Variants in MAML2 observed in about 807,000 individuals in gnomAD.
The protein encoded by MAML2 is mastermind like transcriptional coactivator 2, also known as mastermind-like protein 2.
In MAML2, 22 loss-of-function variants were observed where a neutral mutation model predicts 96.1. The observed-to-expected ratio is 0.23, with a 90% CI of 0.16 to 0.33. The LOEUF is 0.33. Among genes scored for constraint, MAML2 ranks in the 10% least tolerant of loss-of-function variants. MAML2 has a pLI of 1.00. For missense variants in MAML2, 1,367 were observed against 1,392.4 expected (o/e 0.98, Z 0.29); for synonymous variants, 561 against 521.3 (o/e 1.08, Z -1.04).
intron 1 of MAML2, among the ~76,000 whole-genome samples, chr11:96,232,152 G>A (rs1406048930): frequency 6.6e-6 from 1 of 152,188 alleles, no homozygotes; most frequent in East Asian, 1.9e-4. Flanking sequence ...CCCCCAAGAT[G>A]ATTCCTCCCT....
chr11:96,061,312 G>T (rs1468880802), intron 2 of MAML2, among the ~76,000 whole-genome samples: 1 of 152,284 alleles, frequency 6.6e-6, no homozygotes, highest in South Asian at 2.1e-4. Flanking sequence ...ATGCAGAGAT[G>T]GTGCAATTTC....
intron 2 of MAML2, among the ~76,000 whole-genome samples, chr11:95,994,065 T>A (rs1857954941): frequency 1.3e-5 from 2 of 152,172 alleles, no homozygotes; most frequent in African/African-American, 4.8e-5. Context: ...TTACTGCCTG[T>A]CACGTGAGAC....
intron 2 of MAML2, among the ~76,000 whole-genome samples, chr11:96,027,465 T>C (rs1395103387): frequency 6.6e-6 from 1 of 152,294 alleles, no homozygotes; most frequent in East Asian, 1.9e-4. Context: ...TCCTTTATAC[T>C]GTTTCTGACC....
At chr11:96,249,319 A>C (rs1862552715) in intron 1 of MAML2, among the ~76,000 whole-genome samples, 1 of 151,988 alleles carries the variant, frequency 6.6e-6, no homozygotes, top group South Asian at 2.1e-4. Flanking sequence ...TCTTTTCTTT[A>C]GCTATACTTC....
intron 1 of MAML2, among the ~76,000 whole-genome samples, chr11:96,156,195 T>A (rs1056871424): frequency 6.6e-6 from 1 of 152,198 alleles, no homozygotes; most frequent in Non-Finnish European, 1.5e-5. Context: ...TGTTTTCTTC[T>A]GACCCCTTCT....
At chr11:96,254,983 A>C (rs1271319739) in intron 1 of MAML2, among the ~76,000 whole-genome samples, 1 of 151,744 alleles carries the variant, frequency 6.6e-6, no homozygotes, top group African/African-American at 2.4e-5. Context: ...ACCCAGCTAA[A>C]ATTTTTTTGG....
intron 2 of MAML2, among the ~76,000 whole-genome samples, chr11:95,995,665 G>A (rs1857978205): frequency 6.6e-6 from 1 of 152,108 alleles, no homozygotes; most frequent in Admixed American, 6.6e-5. Flanking sequence ...CACACTGTAA[G>A]TGTACCTGGA....
intron 1 of MAML2, among the ~76,000 whole-genome samples, chr11:96,140,654 G>A (rs977353713): frequency 2.6e-5 from 4 of 152,250 alleles, no homozygotes; most frequent in Admixed American, 2.0e-4. Flanking sequence ...GCCCCTAGAC[G>A]TCACTCTCTC....
At chr11:95,987,086 T>G (rs1460566416) in intron 3 of MAML2, among the ~76,000 whole-genome samples, 2 of 152,118 alleles carry the variant, frequency 1.3e-5, no homozygotes, top group South Asian at 2.1e-4. Flanking sequence ...CGGAAGAGTC[T>G]AAGGAAATGG....
chr11:95,986,356 C>G (rs564436721), intron 3 of MAML2, among the ~76,000 whole-genome samples: 1 of 151,956 alleles, frequency 6.6e-6, no homozygotes. Flanking sequence ...CGCCATCACG[C>G]CCAGCAAATT....
At chr11:96,051,468 T>C (rs1039145559) in intron 2 of MAML2, among the ~76,000 whole-genome samples, 6 of 152,218 alleles carry the variant, frequency 3.9e-5, no homozygotes, top group Non-Finnish European at 8.8e-5. Flanking sequence ...TAATGTGTAT[T>C]ATTCTACACA....
chr11:96,280,846 A>T (rs1863054493), intron 1 of MAML2, among the ~76,000 whole-genome samples: 1 of 152,182 alleles, frequency 6.6e-6, no homozygotes, highest in Non-Finnish European at 1.5e-5. Flanking sequence ...TTTCTCATTT[A>T]TCTCATATAT....
At chr11:96,047,388 A>T (rs1392066773) in intron 2 of MAML2, among the ~76,000 whole-genome samples, 2 of 152,206 alleles carry the variant, frequency 1.3e-5, no homozygotes, top group African/African-American at 4.8e-5. Context: ...TGGGCAAATT[A>T]CTGAATTCTC....
chr11:96,292,428 T>C (rs144975693), intron 1 of MAML2, among the ~76,000 whole-genome samples: 1,667 of 152,334 alleles, frequency 0.011, 17 homozygotes, highest in Non-Finnish European at 0.016. Flanking sequence ...CCTAATTTAA[T>C]TGTAACACCA....
chr11:96,173,714 G>T (rs1861338730), intron 1 of MAML2, among the ~76,000 whole-genome samples: 1 of 152,196 alleles, frequency 6.6e-6, no homozygotes, highest in South Asian at 2.1e-4. Flanking sequence ...GGCCACAGGG[G>T]CGTCGAGAAG....
At chr11:96,162,548 C>T (rs1438336806) in intron 1 of MAML2, among the ~76,000 whole-genome samples, 3 of 151,654 alleles carry the variant, frequency 2.0e-5, no homozygotes, top group Non-Finnish European at 4.4e-5. Context: ...ACCCTGTCTA[C>T]TAAAAATACG....
intron 2 of MAML2, among the ~76,000 whole-genome samples, chr11:96,022,179 G>A (rs1017153732): frequency 2.6e-5 from 4 of 152,166 alleles, no homozygotes; most frequent in South Asian, 2.1e-4. Context: ...AAGAAACTAC[G>A]TTGAATTTCA....
intron 3 of MAML2, among the ~76,000 whole-genome samples, chr11:95,986,896 A>G (rs1451756178): frequency 6.6e-6 from 1 of 152,082 alleles, no homozygotes; most frequent in Non-Finnish European, 1.5e-5. Flanking sequence ...AGCTAAGAGA[A>G]AAAAAAAGAG....
At chr11:96,270,941 G>A (rs569375990) in intron 1 of MAML2, among the ~76,000 whole-genome samples, 146 of 152,310 alleles carry the variant, frequency 9.6e-4, no homozygotes, top group Non-Finnish European at 1.3e-3. Flanking sequence ...CTAGAGTAAA[G>A]CAGGCAGAAG....
Sources: gnomAD v4.1 joint callset for allele counts (sites outside exome capture counted in the v4.1 genomes callset) on GRCh38, gnomAD v4.1.1 for gene constraint, MANE v1.5 for transcripts, NCBI Gene and HGNC (gene_info 2026-07-23, HGNC 2026-07-21) for gene names.